The following CPVL variants were observed in gnomAD, a reference collection of about 807,000 sequenced individuals.
The protein encoded by CPVL is probable serine carboxypeptidase CPVL.
A neutral mutation model predicts 63.7 loss-of-function variants in CPVL; 51 were observed. The observed-to-expected ratio is 0.80, with a 90% CI of 0.64 to 1.01. The LOEUF (loss-of-function observed/expected upper bound fraction) is 1.01. Among genes scored for constraint, CPVL ranks in the 50% least tolerant of loss-of-function variants. CPVL has a pLI of 0.00. For missense variants in CPVL, 530 were observed against 573.1 expected (o/e 0.92, Z 0.77); for synonymous variants, 195 against 206.0 (o/e 0.95, Z 0.46).
chr7:29,170,941 A>G (rs1010689464), intron 5 of CPVL, among the ~76,000 whole-genome samples: 4 of 152,198 alleles, frequency 2.6e-5, no homozygotes, highest in African/African-American at 9.7e-5. Flanking sequence ...AACATGGGAA[A>G]GACCTGCCCC....
chr7:29,111,387 G>A (rs1788209338), intron 3 of CPVL, among the ~76,000 whole-genome samples: 1 of 152,170 alleles, frequency 6.6e-6, no homozygotes, highest in Non-Finnish European at 1.5e-5. Flanking sequence ...CCTATGGGAG[G>A]CACCAAGCAA....
chr7:29,092,518 C>A, intron 6 of CPVL, 105 bp downstream of exon 6: 2 of 734,032 alleles, frequency 2.7e-6, no homozygotes, highest in Non-Finnish European at 4.7e-6. Context: ...AGGAATTGGA[C>A]TATAAGGCTC....
At chr7:29,015,645 T>C (rs1347871523) in intron 12 of CPVL, among the ~76,000 whole-genome samples, 1 of 152,176 alleles carries the variant, frequency 6.6e-6, no homozygotes, top group Non-Finnish European at 1.5e-5. Flanking sequence ...CCTCTTTTCT[T>C]AGAAATTACC....
At chr7:29,111,681 T>A (rs1033053959) in intron 3 of CPVL, among the ~76,000 whole-genome samples, 1 of 152,104 alleles carries the variant, frequency 6.6e-6, no homozygotes, top group Non-Finnish European at 1.5e-5. Context: ...GGGTGAACTA[T>A]GTCAGAGGCC....
intron 12 of CPVL, among the ~76,000 whole-genome samples, chr7:29,003,586 A>C (rs1213811655): frequency 6.6e-6 from 1 of 152,212 alleles, no homozygotes; most frequent in Non-Finnish European, 1.5e-5. Context: ...AGTATCAATA[A>C]TTAATAATGT....
chr7:29,163,408 A>G (rs1584498162), intron 5 of CPVL, among the ~76,000 whole-genome samples: 1 of 152,274 alleles, frequency 6.6e-6, no homozygotes, highest in Middle Eastern at 3.4e-3. Context: ...TGTCTTTTAG[A>G]TAATTTAAAA....
chr7:29,169,744 C>T (rs1256490899), intron 5 of CPVL, among the ~76,000 whole-genome samples: 5 of 151,980 alleles, frequency 3.3e-5, no homozygotes, highest in South Asian at 2.1e-4. Context: ...CCCTTCTGAC[C>T]ACTGTTTGCT....
rs185277814 is a variant in CPVL, at chr7:29,097,384, T to C, written c.289-1167A>G. Among the ~76,000 whole-genome samples the C allele has an allele frequency of 1.8e-4, 28 of 152,304 alleles. No homozygotes were observed. The East Asian group carries it at 5.2e-3, about 28-fold the overall frequency. ...TTGGAACTTAGAATTGCATGGGCAA[T>C]ATAGGCAGTAAGTAAGAAATAAAGA... On this transcript the variant is annotated intron_variant, in intron 3 of 12. Transcript: ENST00000265394.
intron 11 of CPVL, among the ~76,000 whole-genome samples, chr7:29,061,174 G>A (rs1195423874): frequency 2.0e-5 from 3 of 152,142 alleles, no homozygotes; most frequent in South Asian, 4.1e-4. Flanking sequence ...TTGGGAGGCC[G>A]AGGCGGGTGG....
intron 9 of CPVL, 96 bp from the exon 10 acceptor site, chr7:29,066,217 T>C (rs1316939140): frequency 1.4e-6 from 1 of 702,498 alleles, no homozygotes; most frequent in Non-Finnish European, 2.5e-6. Context: ...TCAACAACTT[T>C]TTCATTCCTT....
At chr7:29,180,591 T>C (rs1251876320) in intron 5 of CPVL, among the ~76,000 whole-genome samples, 1 of 152,096 alleles carries the variant, frequency 6.6e-6, no homozygotes, top group Non-Finnish European at 1.5e-5. Context: ...CTTAAATCTG[T>C]ATAAATCAAA....
intron 5 of CPVL, among the ~76,000 whole-genome samples, chr7:29,175,615 C>A (rs1055502489): frequency 2.6e-5 from 4 of 152,136 alleles, no homozygotes; most frequent in Non-Finnish European, 5.9e-5. Context: ...TCAATTTTTC[C>A]TCTTATCTTT....
chr7:29,000,115 C>T (rs1784470912), intron 12 of CPVL, among the ~76,000 whole-genome samples: 1 of 152,124 alleles, frequency 6.6e-6, no homozygotes, highest in Non-Finnish European at 1.5e-5. Flanking sequence ...CAGGGGGTCA[C>T]AAATGTGTCA....
At chr7:29,141,655 G>A (rs1161393009) in intron 1 of CPVL, among the ~76,000 whole-genome samples, 3 of 152,040 alleles carry the variant, frequency 2.0e-5, no homozygotes, top group Non-Finnish European at 4.4e-5. Flanking sequence ...TGTGGCTCAC[G>A]CCTGTAATCC....
intron 11 of CPVL, among the ~76,000 whole-genome samples, chr7:29,043,932 G>A (rs1379284735): frequency 1.3e-5 from 2 of 152,138 alleles, no homozygotes; most frequent in African/African-American, 4.8e-5. Context: ...CGAAAGAAGA[G>A]GAAACTGGAG....
intron 3 of CPVL, among the ~76,000 whole-genome samples, chr7:29,108,849 G>C (rs1009441127): frequency 6.6e-6 from 1 of 152,186 alleles, no homozygotes; most frequent in East Asian, 1.9e-4. Flanking sequence ...CTGACTTACC[G>C]AAGAGACTGT....
chr7:29,192,201 C>T (rs1782972221), intron 1 of CPVL: 1 of 152,340 alleles, frequency 6.6e-6, no homozygotes, highest in Admixed American at 6.5e-5. Context: ...CCTCTTCTGG[C>T]CCCAGGATCC....
chr7:29,060,491 G>T (rs931764568), intron 11 of CPVL, among the ~76,000 whole-genome samples: 1 of 152,130 alleles, frequency 6.6e-6, no homozygotes, highest in African/African-American at 2.4e-5. Flanking sequence ...TAGCCCAACA[G>T]ATTGTTTCTC....
chr7:29,068,949 C>T (rs1251549439), intron 9 of CPVL, among the ~76,000 whole-genome samples: 5 of 151,098 alleles, frequency 3.3e-5, no homozygotes, highest in African/African-American at 7.3e-5. Flanking sequence ...TCCCAAAGTG[C>T]TGGGATTACA....
Sources: gnomAD v4.1 joint callset for allele counts (sites outside exome capture counted in the v4.1 genomes callset) on GRCh38, gnomAD v4.1.1 for gene constraint, MANE v1.5 for transcripts, NCBI Gene and HGNC (gene_info 2026-07-23, HGNC 2026-07-21) for gene names.